The following SLC20A2 variants were observed in gnomAD, a reference collection of about 807,000 sequenced individuals.
SLC20A2 encodes the protein sodium-dependent phosphate transporter 2.
Under a neutral mutation model 61.0 loss-of-function variants are expected in SLC20A2, and 30 were observed. The observed-to-expected ratio is 0.49, with a 90% CI of 0.37 to 0.67. The LOEUF (loss-of-function observed/expected upper bound fraction) is 0.67, where lower values mean the gene tolerates loss of function less well. SLC20A2 is among the 30% of genes least tolerant of loss of function. The pLI, the probability that SLC20A2 is intolerant of heterozygous loss-of-function variation, is 0.00. For synonymous variants in SLC20A2, 351 were observed against 353.3 expected (o/e 0.99, Z 0.07); for missense variants, 626 against 866.4 (o/e 0.72, Z 3.48).
intron 1 of SLC20A2, among the ~76,000 whole-genome samples, chr8:42,516,661 C>T (rs552628063): frequency 7.9e-4 from 121 of 152,346 alleles, no homozygotes; most frequent in African/African-American, 2.8e-3. Flanking sequence ...AGGGCTGCTA[C>T]CACTTTCCTT....
At position 42,528,929 on chromosome 8, in the gene SLC20A2, A is replaced by C. The variant is rs1812154411; in HGVS notation, c.-265+12892T>G. ...TGATCCCCCCGCCTCAGCCTCCCAA[A>C]GTGCTGGGATTACAGGCATGAGCCA... On this transcript the variant is annotated intron_variant, in intron 1 of 10. Coordinates refer to the SLC20A2 transcript ENST00000342228. 2.0e-5 allele frequency among the ~76,000 whole-genome samples: 3 copies of C among 151,188 alleles called. No individual in the cohort carries two copies. In the South Asian group the frequency reaches 6.3e-4, roughly 32 times the overall value.
chr8:42,428,881 G>T (rs369118375), intron 9 of SLC20A2, 39 bp from the exon 10 acceptor site: 7 of 1,503,456 alleles, frequency 4.7e-6, no homozygotes, highest in Non-Finnish European at 5.3e-6. Flanking sequence ...GGTGCCCTCT[G>T]TATCAGCCTC....
At chr8:42,457,136 C>T (rs1429165360) in intron 5 of SLC20A2, among the ~76,000 whole-genome samples, 1 of 151,934 alleles carries the variant, frequency 6.6e-6, no homozygotes, top group Non-Finnish European at 1.5e-5. Flanking sequence ...GTTGGCCACA[C>T]TGGTTTAGAA....
chr8:42,435,981 T>C (rs1463784402), intron 8 of SLC20A2, among the ~76,000 whole-genome samples: 4 of 151,886 alleles, frequency 2.6e-5, no homozygotes, highest in African/African-American at 4.8e-5. Context: ...CCGGGCCAGG[T>C]TGGGGAGCCT....
chr8:42,508,298 T>C lies in SLC20A2; in HGVS notation c.-265+33523A>G, dbSNP rs537278194. Among the ~76,000 whole-genome samples the C allele has an allele frequency of 5.9e-5, 9 of 152,308 alleles. 1 individual carries two copies. Among genetic ancestry groups the C allele is most frequent in the African/African-American group, 2.2e-4 (9 of 41,574 alleles). On this transcript the variant is annotated intron_variant, in intron 1 of 10. Coordinates refer to the SLC20A2 transcript ENST00000342228. ...GTCCCAGACCAGCCTCAGCACCATA[T>C]TGAGACCCTATCTCCATTTTCAAAA...
intron 1 of SLC20A2, among the ~76,000 whole-genome samples, chr8:42,499,888 GC>G (rs770197090): frequency 2.0e-5 from 3 of 152,154 alleles, no homozygotes; most frequent in Non-Finnish European, 2.9e-5. Context: ...TCTAAAAATA[GC>G]CCAAGAACTC....
intron 1 of SLC20A2, among the ~76,000 whole-genome samples, chr8:42,530,882 ATT>A (rs1460871749): frequency 6.6e-6 from 1 of 151,760 alleles, no homozygotes; most frequent in Non-Finnish European, 1.5e-5. Context: ...CGCCTTGCTA[ATT>A]TTCTTTGTAT....
intron 1 of SLC20A2, chr8:42,480,427 T>C (rs1808472481): frequency 6.6e-6 from 1 of 152,178 alleles, no homozygotes; most frequent in Non-Finnish European, 1.5e-5. Context: ...AAAAACAGGC[T>C]TAGTTTTCTT....
intron 10 of SLC20A2, 80 bp downstream of exon 10, chr8:42,428,678 A>G: frequency 1.6e-6 from 2 of 1,276,954 alleles, no homozygotes; most frequent in Non-Finnish European, 2.2e-6. Flanking sequence ...AGAGCCCTAC[A>G]GCTTCCCTTG....
chr8:42,524,454 A>G (rs1252880246), intron 1 of SLC20A2, among the ~76,000 whole-genome samples: 1 of 152,132 alleles, frequency 6.6e-6, no homozygotes, highest in Non-Finnish European at 1.5e-5. Context: ...AAAAATTTCC[A>G]ACATAAAAAA....
intron 1 of SLC20A2, among the ~76,000 whole-genome samples, chr8:42,492,468 G>A: frequency 6.6e-6 from 1 of 152,198 alleles, no homozygotes; most frequent in Non-Finnish European, 1.5e-5. Flanking sequence ...AATTGCAGTA[G>A]AAAGACACGA....
At chr8:42,443,873 A>C (rs1280200322) in intron 6 of SLC20A2, among the ~76,000 whole-genome samples, 3 of 152,200 alleles carry the variant, frequency 2.0e-5, no homozygotes, top group Non-Finnish European at 2.9e-5. Flanking sequence ...AATGTTATGA[A>C]AAATGCCAGC....
chr8:42,490,369 G>A (rs913058476), intron 1 of SLC20A2, among the ~76,000 whole-genome samples: 7 of 152,012 alleles, frequency 4.6e-5, no homozygotes, highest in East Asian at 1.9e-4. Context: ...AGGCCGAGGC[G>A]GGTGGATCAC....
At chr8:42,517,739 A>C (rs1393783254) in intron 1 of SLC20A2, among the ~76,000 whole-genome samples, 1 of 152,162 alleles carries the variant, frequency 6.6e-6, no homozygotes, top group Non-Finnish European at 1.5e-5. Flanking sequence ...ATTAATGCCC[A>C]ACTTAATATC....
At chr8:42,453,833 G>T (rs1348637479) in intron 5 of SLC20A2, among the ~76,000 whole-genome samples, 1 of 152,154 alleles carries the variant, frequency 6.6e-6, no homozygotes, top group African/African-American at 2.4e-5. Context: ...CAGAAGGACA[G>T]GATGACTCAG....
At chr8:42,494,964 A>T (rs1476825161) in intron 1 of SLC20A2, among the ~76,000 whole-genome samples, 1 of 151,682 alleles carries the variant, frequency 6.6e-6, no homozygotes, top group African/African-American at 2.4e-5. Context: ...CTCCTGCCTC[A>T]GCCTCCCGAG....
At chr8:42,431,474 T>A (rs1218120459) in intron 8 of SLC20A2, among the ~76,000 whole-genome samples, 1 of 152,220 alleles carries the variant, frequency 6.6e-6, no homozygotes. Context: ...GCCATCCTCA[T>A]AGCATAAAAG....
Position 42,472,616 on chromosome 8 carries a change from A to C in SLC20A2, c.-226T>G. On this transcript the variant is annotated 5_prime_UTR_variant, in exon 2 of 11. Transcript: ENST00000520262. This position sits in a 1 kb window ranked among gnomAD's most constrained non-coding sequence, Gnocchi z 4.1. ...CAGTCAGCGGTAAAACACATTCCAT[A>C]TTTTTCCTCCCGATCTGGGAAAGCT... 1 of 488,812 alleles carries C rather than the reference A, an allele frequency of 2.0e-6. No individual in the cohort carries two copies. Among genetic ancestry groups the C allele is most frequent in the Non-Finnish European group, 3.6e-6 (1 of 274,086 alleles). The allele number at this position is 488,812 out of a possible 1,614,324, so 30.3% of individuals were successfully genotyped here. A position where few individuals can be genotyped will look rare whatever the true frequency, so the allele number is the denominator to read the frequency against.
chr8:42,432,643 T>C (rs73631770), intron 8 of SLC20A2, among the ~76,000 whole-genome samples: 1,877 of 152,312 alleles, frequency 0.012, 35 homozygotes, highest in African/African-American at 0.04. Context: ...GCAAATTTCA[T>C]TGTTGTCTTA....
Sources: gnomAD v4.1 joint callset for allele counts (sites outside exome capture counted in the v4.1 genomes callset) on GRCh38, gnomAD v4.1.1 for gene constraint, Gnocchi (gnomAD v3.1) non-coding constraint, MANE v1.5 for transcripts, NCBI Gene and HGNC (gene_info 2026-07-23, HGNC 2026-07-21) for gene names.